The following STK24 variants were observed in gnomAD, a reference collection of about 807,000 sequenced individuals.
STK24 encodes serine/threonine-protein kinase 24.
A neutral mutation model predicts 55.6 loss-of-function variants in STK24; 21 were observed. The ratio of observed to expected loss-of-function variants is 0.38; its 90% CI spans 0.27 to 0.54. STK24 has a LOEUF of 0.54. Ranked by LOEUF, STK24 falls within the 20% of genes least tolerant of loss-of-function variation. STK24 has a pLI of 0.79. For synonymous variants in STK24, 200 were observed against 215.2 expected, an observed-to-expected ratio of 0.93 and a Z score of 0.62; for missense variants, 383 against 538.4, an observed-to-expected ratio of 0.71 and a Z score of 2.86.
chr13:98,566,618 C>T (rs557029343), intron 1 of STK24, among the ~76,000 whole-genome samples: 3 of 152,332 alleles, frequency 2.0e-5, no homozygotes, highest in South Asian at 2.1e-4. Context: ...AGTCCCCTTC[C>T]GACAAGGCTT....
chr13:98,541,306 G>A (rs1249863045), intron 1 of STK24, among the ~76,000 whole-genome samples: 2 of 152,072 alleles, frequency 1.3e-5, no homozygotes, highest in Non-Finnish European at 2.9e-5. Flanking sequence ...TCTCATTATT[G>A]GGCCCGAGAA....
At chr13:98,561,968 A>G (rs535193201) in intron 1 of STK24, among the ~76,000 whole-genome samples, 127 of 126,100 alleles carry the variant, frequency 1.0e-3, no homozygotes, top group African/African-American at 4.0e-3. Flanking sequence ...ACAGAGTGAG[A>G]CTCCGTCTCA....
rs181055135 is a variant in STK24 at position 98,478,207 on chromosome 13, C to A, written c.331-2849G>T. Reference sequence around the variant, plus strand: ...TCCATCATTCAGGCACTTGCAGACTCTTCAAATAGGACCCAGGAAAAAAAC... The same window carrying A: ...TCCATCATTCAGGCACTTGCAGACTATTCAAATAGGACCCAGGAAAAAAAC... On this transcript the variant is annotated intron_variant, in intron 3 of 10. Coordinates refer to ENST00000539966, the MANE Select transcript of STK24 (RefSeq NM_001032296.4). Among the ~76,000 whole-genome samples, 26 of 152,326 alleles carry A rather than the reference C, an allele frequency of 1.7e-4. No individual in the cohort carries two copies. The East Asian group carries it at 4.8e-3, about 28-fold the overall frequency.
intron 9 of STK24, among the ~76,000 whole-genome samples, chr13:98,459,745 G>A (rs371026738): frequency 2.9e-4 from 44 of 152,372 alleles, no homozygotes; most frequent in African/African-American, 9.9e-4. Flanking sequence ...CCTCAGCCAG[G>A]AAGGGGCACA....
chr13:98,515,100 T>TGAA (rs1555307780), intron 2 of STK24, among the ~76,000 whole-genome samples: 1 of 87,534 alleles, frequency 1.1e-5, no homozygotes, highest in African/African-American at 4.3e-5. Flanking sequence ...ACAAACCCCC[T>TGAA]GAAAAAAAAA....
chr13:98,503,024 G>GTTTTTTTTTTTTTTT lies in STK24; in HGVS notation c.273+16204_273+16218dup, dbSNP rs398038978. Among the ~76,000 whole-genome samples, 67 of 107,048 alleles carry GTTTTTTTTTTTTTTT rather than the reference G, an allele frequency of 6.3e-4. 7 individuals are homozygous for GTTTTTTTTTTTTTTT. Among genetic ancestry groups the GTTTTTTTTTTTTTTT allele is most frequent in the African/African-American group, 2.0e-3 (51 of 25,020 alleles). The allele number at this position is 107,048 out of a possible 152,430, so 70.2% of individuals were successfully genotyped here. ...AATATATTAGAAATACTTTCCATGT[G>GTTTTTTTTTTTTTTT]TTTTTTTTTTTTTTTTTCAGTATGG... On this transcript the variant is annotated intron_variant, in intron 2 of 10. Coordinates refer to ENST00000539966, the MANE Select transcript of STK24 (RefSeq NM_001032296.4).
chr13:98,525,170 C>T (rs1244419108), intron 1 of STK24, among the ~76,000 whole-genome samples: 1 of 152,268 alleles, frequency 6.6e-6, no homozygotes, highest in Non-Finnish European at 1.5e-5. Context: ...TGAGATTCTG[C>T]TGCCAGAATT....
rs1295100387 is a variant in STK24, at chr13:98,451,503, T to C, written c.*1670A>G. On this transcript the variant is annotated 3_prime_UTR_variant, in exon 11 of 11. Coordinates refer to ENST00000539966, the MANE Select transcript of STK24 (RefSeq NM_001032296.4). The stretch of plus-strand genomic sequence containing the variant: ...ATCCACTTCTAATAAAATACCTCAA[T>C]TTTAGAGCTTAAAAACCAGACTGCA... 6.6e-6 allele frequency: 1 copy of C among 152,154 alleles called. No individual in the cohort carries two copies. The allele number at this position is 152,154 out of a possible 1,614,324, so 9.4% of individuals were successfully genotyped here.
At chr13:98,538,565 C>A (rs1260569076) in intron 1 of STK24, among the ~76,000 whole-genome samples, 1 of 152,144 alleles carries the variant, frequency 6.6e-6, no homozygotes, top group Non-Finnish European at 1.5e-5. Flanking sequence ...GCTTACTGCA[C>A]CTTCAACTGA....
intron 1 of STK24, among the ~76,000 whole-genome samples, chr13:98,519,798 T>G (rs1014100662): frequency 2.0e-5 from 3 of 152,220 alleles, no homozygotes; most frequent in African/African-American, 7.2e-5. Context: ...ATTGGAATGT[T>G]AGGATACACA....
At chr13:98,464,140 G>A (rs1023412209) in intron 6 of STK24, among the ~76,000 whole-genome samples, 6 of 152,098 alleles carry the variant, frequency 3.9e-5, no homozygotes, top group African/African-American at 1.2e-4. Flanking sequence ...TGATCTGGTC[G>A]GGCGCAGTGG....
chr13:98,484,352 C>T (rs1053766379), intron 2 of STK24, among the ~76,000 whole-genome samples: 33 of 152,206 alleles, frequency 2.2e-4, no homozygotes, highest in African/African-American at 7.7e-4. Context: ...CCCTTTTTAA[C>T]AGCTGCTGTT....
intron 1 of STK24, among the ~76,000 whole-genome samples, chr13:98,542,351 G>A (rs1309289732): frequency 1.3e-5 from 2 of 151,812 alleles, no homozygotes; most frequent in South Asian, 4.2e-4. Flanking sequence ...AAAAAGGACT[G>A]ACAAAAACAA....
chr13:98,546,156 T>G (rs957478485), intron 1 of STK24, among the ~76,000 whole-genome samples: 11 of 152,214 alleles, frequency 7.2e-5, no homozygotes, highest in Middle Eastern at 3.2e-3. Context: ...GGCAGGGTGC[T>G]GGGGTCCACC....
At chr13:98,541,814 C>T (rs1208655912) in intron 1 of STK24, among the ~76,000 whole-genome samples, 1 of 152,216 alleles carries the variant, frequency 6.6e-6, no homozygotes, top group Non-Finnish European at 1.5e-5. Context: ...CACATCTAAA[C>T]AGCACGCACT....
chr13:98,479,075 T>C (rs1429854988), intron 3 of STK24, among the ~76,000 whole-genome samples: 1 of 152,096 alleles, frequency 6.6e-6, no homozygotes, highest in Non-Finnish European at 1.5e-5. Context: ...GAATGAAAAA[T>C]GGTTTCCCTC....
At chr13:98,479,048 G>A (rs1054318774) in intron 3 of STK24, among the ~76,000 whole-genome samples, 3 of 152,172 alleles carry the variant, frequency 2.0e-5, no homozygotes, top group Non-Finnish European at 4.4e-5. Flanking sequence ...CACGCGGGAG[G>A]CACACAACTC....
At chr13:98,520,566 A>ATC (rs1180434326) in intron 1 of STK24, among the ~76,000 whole-genome samples, 1 of 152,236 alleles carries the variant, frequency 6.6e-6, no homozygotes, top group African/African-American at 2.4e-5. Context: ...AATGAGGAGA[A>ATC]GAAAGATGAC....
At chr13:98,574,572 C>G (rs1454705649) in intron 1 of STK24, among the ~76,000 whole-genome samples, 5 of 152,086 alleles carry the variant, frequency 3.3e-5, no homozygotes, top group Non-Finnish European at 5.9e-5. Flanking sequence ...TGTTCTTCCC[C>G]AAATGATACA....
Sources: allele counts gnomAD v4.1 joint callset (sites outside exome capture counted in the v4.1 genomes callset), GRCh38; gene constraint gnomAD v4.1.1; transcripts MANE v1.5; gene names NCBI Gene and HGNC (gene_info 2026-07-23, HGNC 2026-07-21).